PCSK5: variants seen among roughly 807,000 people sequenced by gnomAD.
PCSK5 encodes prohormone convertase 5.
Under a neutral mutation model 233.2 loss-of-function variants are expected in PCSK5, and 129 were observed. The ratio of observed to expected loss-of-function variants is 0.55; its 90% CI spans 0.48 to 0.64. The LOEUF is 0.64. Ranked by LOEUF, PCSK5 falls within the 30% of genes least tolerant of loss-of-function variation. The pLI is 0.00. For synonymous variants in PCSK5, 825 were observed against 879.2 expected (o/e 0.94, Z 1.09); for missense variants, 2,076 against 2,430.1 (o/e 0.85, Z 3.06).
In PCSK5 at chr9:76,130,306, C is replaced by G. The variant is rs936477953; in HGVS notation, c.1209-3803C>G. On this transcript the variant is annotated intron_variant, in intron 9 of 37. Transcript: ENST00000674117. ...TGAGGACGCGACGTGCCATACTTGG[C>G]TTTTTGATCCATTTGTCAAAGAACT... Among the ~76,000 whole-genome samples, 7 of 152,050 alleles carry G rather than the reference C, an allele frequency of 4.6e-5. No individual in the cohort carries two copies. The East Asian group carries it at 1.3e-3, about 29-fold the overall frequency.
At chr9:75,940,280 A>C (rs10781315) in intron 2 of PCSK5, among the ~76,000 whole-genome samples, 3 of 152,118 alleles carry the variant, frequency 2.0e-5, no homozygotes, top group African/African-American at 7.2e-5. Flanking sequence ...CCATTTCTCT[A>C]TAATAGTTCT....
intron 24 of PCSK5, among the ~76,000 whole-genome samples, chr9:76,243,570 C>T (rs1475617063): frequency 6.6e-6 from 1 of 152,096 alleles, no homozygotes; most frequent in African/African-American, 2.4e-5. Flanking sequence ...TTTCTGAACC[C>T]TTTGTTGATC....
At chr9:75,979,673 A>G (rs1404246440) in intron 2 of PCSK5, among the ~76,000 whole-genome samples, 18 of 152,228 alleles carry the variant, frequency 1.2e-4, no homozygotes, top group Admixed American at 1.2e-3. Context: ...CGGCTTTTGC[A>G]TTAGCTGGTC....
chr9:75,942,885 C>CT lies in PCSK5; in HGVS notation c.297+10419dup, dbSNP rs1393843650. 2.0e-3 allele frequency among the ~76,000 whole-genome samples: 169 copies of CT among 85,670 alleles called. 1 individual carries two copies. Among genetic ancestry groups the CT allele is most frequent in the South Asian group, 7.9e-3 (23 of 2,916 alleles). The allele number at this position is 85,670 out of a possible 152,430, so 56.2% of individuals were successfully genotyped here. ...TTGTGGTATTTCTTTTCTTCTTCTT[C>CT]TTTTTTTTTTTTTTTTTGAGATGGA... On this transcript the variant is annotated intron_variant, in intron 2 of 37. Coordinates refer to ENST00000674117, the MANE Select transcript of PCSK5 (RefSeq NM_001372043.1).
chr9:76,202,457 C>T (rs1444695257), intron 20 of PCSK5, among the ~76,000 whole-genome samples: 1 of 152,252 alleles, frequency 6.6e-6, no homozygotes, highest in Non-Finnish European at 1.5e-5. Context: ...TGTGACTTCC[C>T]AGTTCCCTAG....
chr9:76,013,096 CT>C (rs138986235), intron 3 of PCSK5, among the ~76,000 whole-genome samples: 7 of 142,226 alleles, frequency 4.9e-5, no homozygotes, highest in Non-Finnish European at 7.7e-5. Context: ...ACTAATAAGT[CT>C]TTTTTGTCCT....
chr9:76,022,759 T>C (rs1828251674), intron 3 of PCSK5, among the ~76,000 whole-genome samples: 1 of 152,200 alleles, frequency 6.6e-6, no homozygotes, highest in African/African-American at 2.4e-5. Context: ...GGTTCCATGT[T>C]TTACAGCCTT....
intron 24 of PCSK5, among the ~76,000 whole-genome samples, chr9:76,271,453 A>C (rs761279751): frequency 6.6e-6 from 1 of 152,216 alleles, no homozygotes; most frequent in Non-Finnish European, 1.5e-5. Flanking sequence ...TCTCTTTCGA[A>C]TATTTTAAAG....
intron 35 of PCSK5, among the ~76,000 whole-genome samples, chr9:76,340,142 C>G (rs1195982860): frequency 1.3e-5 from 2 of 152,112 alleles, no homozygotes; most frequent in Non-Finnish European, 2.9e-5. Context: ...AAATTTTACA[C>G]TACATTTTAA....
chr9:75,978,950 G>A (rs1323639104), intron 2 of PCSK5, among the ~76,000 whole-genome samples: 2 of 144,080 alleles, frequency 1.4e-5, no homozygotes, highest in Non-Finnish European at 3.0e-5. Flanking sequence ...TTGGCTCACC[G>A]CAACCTCCAC....
intron 7 of PCSK5, among the ~76,000 whole-genome samples, chr9:76,082,027 A>G (rs35368808): frequency 0.14 from 20,301 of 149,928 alleles, 1,706 homozygotes; most frequent in East Asian, 0.25. Flanking sequence ...AAATCTTGTC[A>G]TTTTTTTTTT....
intron 3 of PCSK5, among the ~76,000 whole-genome samples, chr9:76,001,124 A>G (rs540980630): frequency 3.3e-5 from 5 of 152,220 alleles, no homozygotes; most frequent in African/African-American, 1.2e-4. Flanking sequence ...TCTTTTCCCC[A>G]TGTTGAAAAT....
chr9:75,902,229 AAAAAAAAAAAAAAAG>A (rs1181244686), intron 1 of PCSK5, among the ~76,000 whole-genome samples: 2 of 121,802 alleles, frequency 1.6e-5, no homozygotes, highest in African/African-American at 5.2e-5. Context: ...AAAAAAAAAA[AAAAAAAAAAAAAAAG>A]AAAAGGACAA....
At chr9:76,313,509 T>C (rs758064868) in intron 30 of PCSK5, among the ~76,000 whole-genome samples, 1 of 152,136 alleles carries the variant, frequency 6.6e-6, no homozygotes, top group African/African-American at 2.4e-5. Flanking sequence ...TTCTTGGACA[T>C]TTCCTATAAA....
intron 3 of PCSK5, among the ~76,000 whole-genome samples, chr9:75,991,740 G>A (rs994687869): frequency 2.0e-5 from 3 of 152,092 alleles, no homozygotes; most frequent in African/African-American, 4.8e-5. Flanking sequence ...ACAGTGGCCC[G>A]TTTTTTCACG....
chr9:76,279,774 T>C (rs1827810766), intron 24 of PCSK5, among the ~76,000 whole-genome samples: 1 of 151,824 alleles, frequency 6.6e-6, no homozygotes, highest in African/African-American at 2.4e-5. Context: ...GTTTTTTTCT[T>C]GTAAATTTGT....
chr9:76,203,566 G>T (rs984344581), intron 20 of PCSK5, among the ~76,000 whole-genome samples: 1 of 151,824 alleles, frequency 6.6e-6, no homozygotes, highest in South Asian at 2.1e-4. Context: ...ACTTGCAACA[G>T]ACCCAGGCTC....
intron 14 of PCSK5, chr9:76,175,429 G>A: frequency 2.4e-6 from 1 of 417,556 alleles, no homozygotes; most frequent in East Asian, 3.5e-5. Context: ...ATATCCATAT[G>A]TGTTATCTGC....
At position 76,039,375 on chromosome 9, in the gene PCSK5, T is replaced by C. The variant is rs76636073; in HGVS notation, c.632+12338T>C. 2.5e-3 allele frequency among the ~76,000 whole-genome samples: 386 copies of C among 152,354 alleles called. 1 individual carries two copies. Among genetic ancestry groups the C allele is most frequent in the African/African-American group, 8.9e-3 (370 of 41,580 alleles). ...GAGATGTCATACTAACAAAATACTT[T>C]GTTAAGGATGGTACCCATATCTTAA... On this transcript the variant is annotated intron_variant, in intron 5 of 37. Transcript: ENST00000674117.
Sources: allele counts gnomAD v4.1 joint callset (sites outside exome capture counted in the v4.1 genomes callset), GRCh38; gene constraint gnomAD v4.1.1; transcripts MANE v1.5; gene names NCBI Gene and HGNC (gene_info 2026-07-23, HGNC 2026-07-21).